TMEM217: variants seen among roughly 807,000 people sequenced by gnomAD.
TMEM217 encodes chromosome 6 open reading frame 128.
For missense variants in TMEM217, 204 were observed against 248.8 expected (o/e 0.82, Z 1.21); for synonymous variants, 76 against 88.3 (o/e 0.86, Z 0.78).
At chr6:37,220,077 T>A (rs1483500860) in intron 1 of TMEM217, among the ~76,000 whole-genome samples, 3 of 151,998 alleles carry the variant, frequency 2.0e-5, no homozygotes, top group Non-Finnish European at 4.4e-5. Flanking sequence ...AAATAAGAAC[T>A]ATACAAAAGT....
chr6:37,257,751 G>C (rs1455944842), exon 1 of TMEM217: 2 of 698,674 alleles, frequency 2.9e-6, no homozygotes, highest in Admixed American at 5.7e-5. Flanking sequence ...AATGGCAGCG[G>C]TGCTGGGTGG....
intron 1 of TMEM217, among the ~76,000 whole-genome samples, chr6:37,227,440 T>C (rs1018752137): frequency 2.0e-5 from 3 of 151,940 alleles, no homozygotes; most frequent in Admixed American, 6.6e-5. Context: ...TAAGCGAAGG[T>C]TTTTTTTGTT....
At chr6:37,217,518 C>T (rs1763276609), downstream of TMEM217, 1 of 526,508 alleles carries the variant, frequency 1.9e-6, no homozygotes, top group Non-Finnish European at 2.4e-6. Context: ...GTTCACACTA[C>T]AGAGTACAGC....
At chr6:37,239,407 C>T (rs192871506) in intron 1 of TMEM217, among the ~76,000 whole-genome samples, 4 of 150,962 alleles carry the variant, frequency 2.6e-5, no homozygotes, top group African/African-American at 7.3e-5. Flanking sequence ...CCCAGGAGGC[C>T]GAGGCTGCAG....
At chr6:37,215,339 A>G, downstream of TMEM217, 2 of 1,579,130 alleles carry the variant, frequency 1.3e-6, no homozygotes, top group South Asian at 2.2e-5. Context: ...AGAAAAGAAA[A>G]CTTGAGGCAG....
chr6:37,233,224 T>A (rs1374972278), intron 1 of TMEM217, among the ~76,000 whole-genome samples: 1 of 149,404 alleles, frequency 6.7e-6, no homozygotes, highest in Non-Finnish European at 1.5e-5. Flanking sequence ...CATTTCCCCA[T>A]GTACCTTCCT....
intron 1 of TMEM217, among the ~76,000 whole-genome samples, chr6:37,245,873 C>T (rs1473718122): frequency 1.3e-5 from 2 of 151,730 alleles, no homozygotes; most frequent in Non-Finnish European, 2.9e-5. Flanking sequence ...AATTTTGGCT[C>T]ACCGCAACCT....
At chr6:37,247,376 G>A (rs1765148509) in intron 1 of TMEM217, among the ~76,000 whole-genome samples, 1 of 137,774 alleles carries the variant, frequency 7.3e-6, no homozygotes, top group Non-Finnish European at 1.5e-5. Flanking sequence ...TCAATAAAGG[G>A]CGAACTTTTT....
chr6:37,216,255 T>G (rs2113803681), downstream of TMEM217, among the ~76,000 whole-genome samples: 1 of 152,036 alleles, frequency 6.6e-6, no homozygotes, highest in South Asian at 2.1e-4. Context: ...ATTTTGGTAG[T>G]TTTAGTAGAG....
chr6:37,215,961 G>A (rs1177241010), downstream of TMEM217, among the ~76,000 whole-genome samples: 6 of 152,002 alleles, frequency 3.9e-5, no homozygotes. Context: ...CCATGTGGAT[G>A]TTTCTCTGAA....
At chr6:37,235,989 A>C (rs915704455) in intron 1 of TMEM217, among the ~76,000 whole-genome samples, 9 of 152,218 alleles carry the variant, frequency 5.9e-5, no homozygotes, top group Non-Finnish European at 1.3e-4. Context: ...CTTTATGTAG[A>C]GTTTAAAATA....
At chr6:37,212,912 G>C, downstream of TMEM217, 1 of 1,547,000 alleles carries the variant, frequency 6.5e-7, no homozygotes, top group African/African-American at 1.4e-5. Context: ...ATGAAGAACT[G>C]GGTGGTATTA....
chr6:37,253,781 C>G (rs893333518), intron 1 of TMEM217, among the ~76,000 whole-genome samples: 2 of 152,160 alleles, frequency 1.3e-5, no homozygotes, highest in African/African-American at 4.8e-5. Flanking sequence ...ATTGGAGCTC[C>G]TGTCCTGAAG....
chr6:37,225,761 A>G (rs1444624769), intron 1 of TMEM217, among the ~76,000 whole-genome samples: 3 of 152,146 alleles, frequency 2.0e-5, no homozygotes, highest in East Asian at 1.9e-4. Context: ...TAATGACTGC[A>G]TTTCCCAGCT....
chr6:37,231,173 C>A (rs532800623), intron 1 of TMEM217, among the ~76,000 whole-genome samples: 1 of 151,678 alleles, frequency 6.6e-6, no homozygotes, highest in East Asian at 2.0e-4. Context: ...GATTCTCCTG[C>A]CTCAGCCTTG....
intron 1 of TMEM217, among the ~76,000 whole-genome samples, chr6:37,227,957 GA>G (rs1249332354): frequency 2.0e-5 from 3 of 151,822 alleles, no homozygotes; most frequent in African/African-American, 4.8e-5. Flanking sequence ...TAGGAACACA[GA>G]AAAAAAAGTT....
chr6:37,246,796 A>G (rs538979455), intron 1 of TMEM217, among the ~76,000 whole-genome samples: 199 of 152,074 alleles, frequency 1.3e-3, no homozygotes, highest in African/African-American at 4.6e-3. Flanking sequence ...CCAGCTATTC[A>G]GGAGGTTCAG....
rs147803983 is a variant in TMEM217, at chr6:37,218,553, C to A, written c.478G>T (p.Gly160Cys). The change falls in exon 2 of 2, where the codon GGC becomes TGC. Residue 160 changes from glycine (G) to cysteine (C), a missense_variant. Gly to Cys is a radical substitution (Grantham distance 159, BLOSUM62 -3). Coordinates refer to ENST00000357219, the Ensembl canonical transcript of TMEM217. ...CGTCTCTTGTAGGAAATTATATTGC[C>A]CTGGCTCCGGTTTTTGTAGGTTATG... is the stretch of plus-strand genomic sequence containing the variant. 3.7e-6 allele frequency: 6 copies of A among 1,614,102 alleles called. No individual in the cohort carries two copies. In the African/African-American group the frequency reaches 6.7e-5, roughly 18 times the overall value.
chr6:37,240,757 T>TA (rs150021413), intron 1 of TMEM217, among the ~76,000 whole-genome samples: 9 of 152,092 alleles, frequency 5.9e-5, no homozygotes, highest in Admixed American at 5.9e-4. Context: ...AAAATAAATT[T>TA]AAAAAAAGAC....
Sources: allele counts gnomAD v4.1 joint callset (sites outside exome capture counted in the v4.1 genomes callset), GRCh38; gene constraint gnomAD v4.1.1; transcripts MANE v1.5; gene names NCBI Gene and HGNC (gene_info 2026-07-23, HGNC 2026-07-21).